The following ZMYM2 variants were observed in gnomAD, a reference collection of about 807,000 sequenced individuals.
ZMYM2 encodes zinc finger MYM-type containing 2.
In ZMYM2, 56 loss-of-function variants were observed where a neutral mutation model predicts 162.8. The ratio of observed to expected loss-of-function variants is 0.34; its 90% confidence interval spans 0.28 to 0.43. The LOEUF (loss-of-function observed/expected upper bound fraction) is 0.43, where lower values mean the gene tolerates loss of function less well. Among genes scored for constraint, ZMYM2 ranks in the 20% least tolerant of loss-of-function variants. The pLI is 1.00. For missense variants in ZMYM2, 1,275 were observed against 1,621.8 expected, an observed-to-expected ratio of 0.79 and a Z score of 3.67; for synonymous variants, 510 against 541.6, an observed-to-expected ratio of 0.94 and a Z score of 0.81.
At chr13:19,995,266 G>T (rs927878861) in intron 3 of ZMYM2, among the ~76,000 whole-genome samples, 1 of 151,946 alleles carries the variant, frequency 6.6e-6, no homozygotes, top group Non-Finnish European at 1.5e-5. Context: ...CATGCAAAAG[G>T]CTGTATATAT....
chr13:20,036,733 T>G lies in ZMYM2; in HGVS notation c.2120-4T>G. ...TTTTAATATATAAATCTTATATTTT[T>G]CAGGCTGCAAATTATTATACAAACA... On this transcript the variant is annotated splice_region_variant and splice_polypyrimidine_tract_variant and intron_variant, in intron 11 of 24. Transcript: ENST00000610343. 1.3e-6 allele frequency: 2 copies of G among 1,517,158 alleles called. No homozygotes were observed. Among genetic ancestry groups the G allele is most frequent in the Non-Finnish European group, 1.8e-6 (2 of 1,134,352 alleles). 94.0% of individuals were successfully genotyped at this position (1,517,158 alleles called of 1,614,324 possible). A position where few individuals can be genotyped will look rare whatever the true frequency, so the allele number is the denominator to read the frequency against.
upstream of ZMYM2, among the ~76,000 whole-genome samples, chr13:19,955,841 G>A (rs1954499893): frequency 6.6e-6 from 1 of 152,176 alleles, no homozygotes; most frequent in African/African-American, 2.4e-5. Context: ...TCAGAGAGAA[G>A]GTAAGTTTCT....
At chr13:20,065,818 A>G (rs1333020712) in intron 19 of ZMYM2, among the ~76,000 whole-genome samples, 2 of 152,162 alleles carry the variant, frequency 1.3e-5, no homozygotes, top group Non-Finnish European at 2.9e-5. Context: ...CAGGGGAGAT[A>G]CCGTGATTAC....
At chr13:19,870,407 G>C in the ZMYM2 span, among the ~76,000 whole-genome samples, 3 of 151,830 alleles carry the variant, frequency 2.0e-5, no homozygotes, top group Non-Finnish European at 2.9e-5. Context: ...CAAAGTGCTG[G>C]GATTACAGGT....
At chr13:19,918,751 G>A in the ZMYM2 span, among the ~76,000 whole-genome samples, 32 of 151,866 alleles carry the variant, frequency 2.1e-4, no homozygotes, top group Middle Eastern at 3.4e-3. Context: ...CACCCACCTC[G>A]GCCTCCCAAA....
intron 18 of ZMYM2, among the ~76,000 whole-genome samples, chr13:20,063,902 TATATATA>T (rs1031558812): frequency 1.0e-4 from 1 of 9,980 alleles, no homozygotes; most frequent in African/African-American, 1.4e-4. Context: ...AATATAATTT[TATATATA>T]ATATATATTT....
chr13:19,885,979 A>ACACACATATG, the ZMYM2 span, among the ~76,000 whole-genome samples: 1 of 34,058 alleles, frequency 2.9e-5, no homozygotes, highest in Non-Finnish European at 6.3e-5. Flanking sequence ...ACACATATAT[A>ACACACATATG]TGTATATACA....
intron 12 of ZMYM2, among the ~76,000 whole-genome samples, chr13:20,047,031 A>G (rs1478554968): frequency 1.3e-5 from 2 of 152,312 alleles, no homozygotes; most frequent in Non-Finnish European, 1.5e-5. Context: ...AATATACATA[A>G]TAGGTTATAT....
intron 6 of ZMYM2, among the ~76,000 whole-genome samples, chr13:20,010,505 G>A (rs1454321706): frequency 6.6e-6 from 1 of 152,110 alleles, no homozygotes; most frequent in Non-Finnish European, 1.5e-5. Flanking sequence ...CCTGGCCAGT[G>A]AGCAATTTTT....
upstream of ZMYM2, among the ~76,000 whole-genome samples, chr13:19,954,396 A>C (rs557971008): frequency 6.6e-6 from 1 of 151,868 alleles, no homozygotes; most frequent in Admixed American, 6.6e-5. Context: ...GATTACAGGC[A>C]TGAGCCACCG....
At chr13:20,035,197 T>G (rs1953571830) in intron 11 of ZMYM2, among the ~76,000 whole-genome samples, 2 of 152,210 alleles carry the variant, frequency 1.3e-5, no homozygotes, top group East Asian at 3.8e-4. Flanking sequence ...ACTGCTAGTT[T>G]GGAGTAAGAG....
In ZMYM2 at chr13:19,979,375, C is replaced by A. The variant is rs181019736; in HGVS notation, c.-10-13688C>A. ...TCTGATTCCCCCAGTCTTTATAGAT[C>A]GCAGATTTTTTACTTGTTGAGGGAT... On this transcript the variant is annotated intron_variant, in intron 2 of 24. Coordinates refer to ENST00000610343, the MANE Select transcript of ZMYM2 (RefSeq NM_197968.4). Among the ~76,000 whole-genome samples, 5 of 149,360 alleles carry A rather than the reference C, an allele frequency of 3.3e-5. No homozygotes were observed. In the South Asian group the frequency reaches 6.3e-4, roughly 19 times the overall value.
chr13:19,968,251 C>G (rs1175749063), intron 2 of ZMYM2, among the ~76,000 whole-genome samples: 3 of 152,050 alleles, frequency 2.0e-5, no homozygotes, highest in African/African-American at 7.2e-5. Context: ...GCTAGACTTT[C>G]CTTTTTTTGA....
At chr13:19,877,236 G>A in the ZMYM2 span, among the ~76,000 whole-genome samples, 2 of 149,014 alleles carry the variant, frequency 1.3e-5, no homozygotes, top group African/African-American at 4.9e-5. Context: ...AAACAAAGAA[G>A]TTTATTTAGC....
At chr13:19,990,118 T>C (rs1273456001) in intron 2 of ZMYM2, among the ~76,000 whole-genome samples, 3 of 152,256 alleles carry the variant, frequency 2.0e-5, no homozygotes, top group East Asian at 3.8e-4. Flanking sequence ...CAGTGTTTCC[T>C]GTTCCAGTAA....
chr13:19,896,933 C>T, the ZMYM2 span, among the ~76,000 whole-genome samples: 1 of 150,856 alleles, frequency 6.6e-6, no homozygotes, highest in Non-Finnish European at 1.5e-5. Context: ...ATTAGCTGGG[C>T]GTGGTGGCAG....
chr13:19,967,984 G>A (rs1354966564), intron 2 of ZMYM2, among the ~76,000 whole-genome samples: 1 of 151,834 alleles, frequency 6.6e-6, no homozygotes, highest in Non-Finnish European at 1.5e-5. Context: ...ATCCTCCATC[G>A]AGATAAAAAT....
intron 2 of ZMYM2, among the ~76,000 whole-genome samples, chr13:19,991,079 C>CTGTGTGTGTGTGTGTG (rs56666919): frequency 2.7e-3 from 159 of 59,926 alleles, no homozygotes; most frequent in Middle Eastern, 8.2e-3. Flanking sequence ...TATGTATTTT[C>CTGTGTGTGTGTGTGTG]TGTGTGTGTG....
At chr13:19,910,213 C>T in the ZMYM2 span, among the ~76,000 whole-genome samples, 2 of 151,186 alleles carry the variant, frequency 1.3e-5, no homozygotes, top group African/African-American at 2.4e-5. Flanking sequence ...GGCAATGGAG[C>T]GAAACTCTGT....
Sources: allele counts gnomAD v4.1 joint callset (sites outside exome capture counted in the v4.1 genomes callset), GRCh38; gene constraint gnomAD v4.1.1; transcripts MANE v1.5; gene names NCBI Gene and HGNC (gene_info 2026-07-23, HGNC 2026-07-21).